The following WWOX variants were observed in gnomAD, a reference collection of about 807,000 sequenced individuals.
WWOX encodes the protein WW domain-containing oxidoreductase.
WWOX carries 69 observed loss-of-function variants against 46.2 expected under a neutral mutation model. The observed-to-expected ratio is 1.49, with a 90% confidence interval of 1.23 to 1.82. WWOX has a LOEUF of 1.82. Ranked by LOEUF, WWOX falls within the 40% of genes most tolerant of loss-of-function variation. The pLI, the probability that WWOX is intolerant of heterozygous loss-of-function variation, is 0.00. For missense variants in WWOX, 919 were observed against 542.6 expected (o/e 1.69, Z -6.89); for synonymous variants, 359 against 202.6 (o/e 1.77, Z -6.56).
chr16:79,155,234 G>A (rs571268032), intron 8 of WWOX, among the ~76,000 whole-genome samples: 9 of 152,242 alleles, frequency 5.9e-5, no homozygotes, highest in African/African-American at 1.9e-4. Context: ...AAATTAGCTG[G>A]GCATGGTGGC....
intron 8 of WWOX, among the ~76,000 whole-genome samples, chr16:78,768,449 G>T (rs1045895369): frequency 1.3e-5 from 2 of 151,992 alleles, no homozygotes; most frequent in African/African-American, 2.4e-5. Flanking sequence ...AATTAGCCAG[G>T]TGTGGTGGCG....
At chr16:78,562,013 T>G (rs2044451650) in intron 8 of WWOX, among the ~76,000 whole-genome samples, 1 of 152,206 alleles carries the variant, frequency 6.6e-6, no homozygotes, top group African/African-American at 2.4e-5. Flanking sequence ...GCTATAATGA[T>G]GAAGCAATGG....
intron 8 of WWOX, among the ~76,000 whole-genome samples, chr16:79,132,500 G>C (rs1366281981): frequency 6.6e-6 from 1 of 152,150 alleles, no homozygotes; most frequent in African/African-American, 2.4e-5. Context: ...CCACGTTTCA[G>C]ATGATTGGGA....
intron 8 of WWOX, among the ~76,000 whole-genome samples, chr16:78,762,110 C>T (rs562287694): frequency 6.6e-6 from 1 of 152,296 alleles, no homozygotes; most frequent in South Asian, 2.1e-4. Context: ...CACAGTAATC[C>T]TGTAAGGTAT....
intron 8 of WWOX, among the ~76,000 whole-genome samples, chr16:79,046,413 C>G (rs993878742): frequency 6.0e-4 from 92 of 152,188 alleles, no homozygotes; most frequent in African/African-American, 2.0e-3. Flanking sequence ...GTATCACAGA[C>G]TGGATGGCCT....
At chr16:78,237,284 A>T (rs1188105586) in intron 5 of WWOX, 1 of 152,208 alleles carries the variant, frequency 6.6e-6, no homozygotes, top group Non-Finnish European at 1.5e-5. Context: ...ATTCCAATTT[A>T]AGAGGGGGTA....
At chr16:78,876,001 T>A (rs1422080927) in intron 8 of WWOX, among the ~76,000 whole-genome samples, 4 of 152,124 alleles carry the variant, frequency 2.6e-5, no homozygotes. Context: ...CCACTTTAGG[T>A]CTCCCACCCT....
chr16:78,119,934 A>G (rs1456332721), intron 4 of WWOX, among the ~76,000 whole-genome samples: 3 of 152,190 alleles, frequency 2.0e-5, no homozygotes, highest in Admixed American at 2.0e-4. Context: ...GCGAACCTTT[A>G]GAACGCTGGG....
chr16:78,822,621 G>A (rs960884848), intron 8 of WWOX, among the ~76,000 whole-genome samples: 6 of 152,108 alleles, frequency 3.9e-5, no homozygotes, highest in African/African-American at 1.2e-4. Flanking sequence ...AGAACCCAGT[G>A]GTCACGTGTT....
At chr16:78,731,754 C>T (rs373034662) in intron 8 of WWOX, among the ~76,000 whole-genome samples, 4 of 152,120 alleles carry the variant, frequency 2.6e-5, no homozygotes, top group African/African-American at 9.6e-5. Context: ...GCAGTAGTTC[C>T]CTGTCATGAA....
At chr16:78,364,528 CAAAT>C (rs918434478) in intron 5 of WWOX, among the ~76,000 whole-genome samples, 34 of 144,826 alleles carry the variant, frequency 2.3e-4, no homozygotes, top group African/African-American at 8.4e-4. Flanking sequence ...CTCCCTGCAA[CAAAT>C]AAATCTTTGG....
chr16:78,926,704 C>A (rs2045506566), intron 8 of WWOX, among the ~76,000 whole-genome samples: 1 of 152,150 alleles, frequency 6.6e-6, no homozygotes, highest in Non-Finnish European at 1.5e-5. Flanking sequence ...AAGTTGTTTG[C>A]TTTTGAAAGA....
chr16:78,365,115 C>A (rs1259686634), intron 5 of WWOX, among the ~76,000 whole-genome samples: 1 of 152,116 alleles, frequency 6.6e-6, no homozygotes, highest in East Asian at 1.9e-4. Flanking sequence ...TCTTCACTTG[C>A]AAAATGAAGA....
chr16:79,183,540 T>C (rs1025254803), intron 8 of WWOX, among the ~76,000 whole-genome samples: 2 of 152,222 alleles, frequency 1.3e-5, no homozygotes, highest in African/African-American at 4.8e-5. Flanking sequence ...ACCATAATCA[T>C]TGTGCTAATT....
intron 8 of WWOX, among the ~76,000 whole-genome samples, chr16:78,446,237 G>T (rs1201448497): frequency 6.6e-6 from 1 of 152,212 alleles, no homozygotes; most frequent in Non-Finnish European, 1.5e-5. Context: ...AGAGTATTTT[G>T]TAACCTGTGA....
intron 8 of WWOX, among the ~76,000 whole-genome samples, chr16:78,807,075 A>T (rs1479473283): frequency 3.9e-5 from 6 of 152,238 alleles, no homozygotes; most frequent in Non-Finnish European, 8.8e-5. Flanking sequence ...GCAAGCATCC[A>T]CCAAGTGCCT....
chr16:78,411,272 C>T (rs141990998), intron 6 of WWOX, among the ~76,000 whole-genome samples: 1 of 152,092 alleles, frequency 6.6e-6, no homozygotes, highest in Non-Finnish European at 1.5e-5. Context: ...GTTATTCTAT[C>T]CATTAGTAGT....
At chr16:79,180,900 T>A (rs1042082269) in intron 8 of WWOX, among the ~76,000 whole-genome samples, 1 of 152,196 alleles carries the variant, frequency 6.6e-6, no homozygotes, top group Admixed American at 6.5e-5. Flanking sequence ...TAATAACCAC[T>A]GCTACATACA....
intron 5 of WWOX, among the ~76,000 whole-genome samples, chr16:78,310,968 G>GT (rs764841286): frequency 2.6e-5 from 4 of 152,168 alleles, no homozygotes; most frequent in Non-Finnish European, 5.9e-5. Context: ...AAATAGACGA[G>GT]TGAGTGCAAG....
Sources: gnomAD v4.1 joint callset for allele counts (sites outside exome capture counted in the v4.1 genomes callset) on GRCh38, gnomAD v4.1.1 for gene constraint, MANE v1.5 for transcripts, NCBI Gene and HGNC (gene_info 2026-07-23, HGNC 2026-07-21) for gene names.